The following SEC31B variants were observed in gnomAD, a reference collection of about 807,000 sequenced individuals.
The protein encoded by SEC31B is SEC31 homolog B, COPII component, also known as protein transport protein Sec31B.
Under a neutral mutation model 135.0 loss-of-function variants are expected in SEC31B, and 113 were observed. The observed-to-expected ratio is 0.84, with a 90% CI of 0.72 to 0.98. SEC31B has a LOEUF of 0.98. Among genes scored for constraint, SEC31B ranks in the 50% least tolerant of loss-of-function variants. The pLI, the probability that SEC31B is intolerant of heterozygous loss-of-function variation, is 0.00. For synonymous variants in SEC31B, 508 were observed against 549.4 expected (o/e 0.92, Z 1.05); for missense variants, 1,296 against 1,421.1 (o/e 0.91, Z 1.42).
Position 100,490,160 on chromosome 10 carries a change from G to C in SEC31B, c.2813C>G (p.Pro938Arg). The C allele has an allele frequency of 6.2e-7, 1 of 1,601,104 alleles. No individual in the cohort carries two copies. Among genetic ancestry groups the C allele is most frequent in the Non-Finnish European group, 8.5e-7 (1 of 1,174,220 alleles). Residue 938 changes from proline to arginine, a missense_variant, in exon 21 of 26, where the codon CCT becomes CGT. Pro to Arg is a moderately radical substitution (Grantham distance 103). Transcript: ENST00000370345. ...ACCTAGTGGTCTCAGAGGAAGCAGAGGGAACAGTCTAGGAGTCTCAGGCAG... is the reference window on the plus strand; with the variant it reads ...ACCTAGTGGTCTCAGAGGAAGCAGACGGAACAGTCTAGGAGTCTCAGGCAG... The part of the protein sequence containing the change: ...TSLPETPRLF[P>R]LLPLRPLGPG...
Position 100,505,375 on chromosome 10 carries a change from C to G in SEC31B, c.1165G>C (p.Gly389Arg), listed in dbSNP as rs1564652145. The G allele has an allele frequency of 4.3e-6, 7 of 1,613,134 alleles. No individual in the cohort carries two copies. The highest frequency in any genetic ancestry group is 5.9e-6 in the Non-Finnish European group (7 of 1,179,624). ...KPPKWIRRPTGVSFAFGGKLV... is the reference protein window; with the variant it reads ...KPPKWIRRPTRVSFAFGGKLV... The stretch of plus-strand genomic sequence containing the variant: ...ACTACACTTACAGCAAATGAAACAC[C>G]TGTTGGTCTTCTAATCCATTTGGGG... The change falls in exon 10 of 26, where the codon GGT becomes CGT. Residue 389 changes from glycine to arginine, a missense_variant. Physicochemically the swap from Gly to Arg is moderately radical, Grantham distance 125. Coordinates refer to ENST00000370345, the MANE Select transcript of SEC31B (RefSeq NM_015490.4).
intron 18 of SEC31B, 70 bp downstream of exon 18, chr10:100,496,188 T>A: frequency 1.3e-6 from 2 of 1,531,728 alleles, no homozygotes; most frequent in Non-Finnish European, 9.0e-7. Context: ...GTGCCTGGAA[T>A]ATGGAAGTGC....
rs1851215856 is a variant in SEC31B at position 100,488,014 on chromosome 10, T to C, written c.3360+13A>G. 1 of 1,610,858 alleles carries C rather than the reference T, an allele frequency of 6.2e-7. No homozygotes were observed. The highest frequency in any genetic ancestry group is 8.5e-7 in the Non-Finnish European group (1 of 1,177,022). On this transcript the variant is annotated intron_variant, in intron 25 of 25. Coordinates refer to ENST00000370345, the MANE Select transcript of SEC31B (RefSeq NM_015490.4). ...GTGTAGGAGGCAGTGGGAGCACAGC[T>C]AGCTGTACTTACTGTCCCCTCACAG...
chr10:100,497,559 C>T, intron 16 of SEC31B, 108 bp downstream of exon 16: 1 of 1,578,070 alleles, frequency 6.3e-7, no homozygotes, highest in Non-Finnish European at 8.6e-7. Flanking sequence ...GACAACATTG[C>T]CTCGCCTCCC....
chr10:100,505,611 T>G (rs1356404071), intron 9 of SEC31B, 116 bp from the exon 10 acceptor site: 2 of 1,465,078 alleles, frequency 1.4e-6, no homozygotes, highest in East Asian at 4.8e-5. Context: ...CCTAGAAAGG[T>G]CAGACTCCCA....
At chr10:100,506,532 T>A in intron 7 of SEC31B, 112 bp from the exon 8 acceptor site, 2 of 813,004 alleles carry the variant, frequency 2.5e-6, no homozygotes, top group South Asian at 1.7e-5. Context: ...CCATGCCCTA[T>A]AAAATGCATG....
Position 100,490,202 on chromosome 10 carries a change from C to T in SEC31B, c.2771G>A (p.Arg924Gln), listed in dbSNP as rs761231588. The stretch of plus-strand genomic sequence containing the variant: ...CTCAGGCAGGGAGGTAGAGCCAGGT[C>T]GCATGATGCCTGGGCATGCCATGGG... Reference protein sequence around the residue: ...PLPMACPGIMRPGSTSLPETP... With the variant: ...PLPMACPGIMQPGSTSLPETP... The change falls in exon 21 of 26, where the codon CGA (arginine) becomes CAA (glutamine). Residue 924 changes from arginine (R) to glutamine (Q), a missense_variant. By Grantham distance (43) the Arg-to-Gln change is conservative (BLOSUM62 1). Transcript: ENST00000370345. The T allele has an allele frequency of 2.0e-5, 33 of 1,610,226 alleles. 1 individual carries two copies. The East Asian group carries it at 2.7e-4, about 13-fold the overall frequency.
intron 3 of SEC31B, among the ~76,000 whole-genome samples, chr10:100,514,305 C>T (rs985483082): frequency 5.3e-5 from 8 of 152,176 alleles, no homozygotes; most frequent in Non-Finnish European, 1.0e-4. Flanking sequence ...GCCACTACTA[C>T]GCTGAAGCTG....
rs1487776272 is a variant in SEC31B, at chr10:100,506,086, A to G, written c.998T>C (p.Val333Ala). ...SFNGWISLYS[V>A]MGRSWEVQHM... ...CTGGACTTCCCAGCTCCTACCCATCACAGAGTACAAACTGATCCAGCCGTT... is the reference window on the plus strand; with the variant it reads ...CTGGACTTCCCAGCTCCTACCCATCGCAGAGTACAAACTGATCCAGCCGTT... The change falls in exon 9 of 26, where the codon GTG (valine) becomes GCG (alanine). Residue 333 changes from valine (V) to alanine (A), a missense_variant. Val to Ala is a moderately conservative substitution (Grantham distance 64). Coordinates refer to ENST00000370345, the MANE Select transcript of SEC31B (RefSeq NM_015490.4). 9.3e-6 allele frequency: 15 copies of G among 1,614,006 alleles called. No homozygotes were observed. Among genetic ancestry groups the G allele is most frequent in the Non-Finnish European group, 1.3e-5 (15 of 1,180,014 alleles).
Position 100,497,291 on chromosome 10 carries a change from AG to A in SEC31B, c.1991-12del. The A allele has an allele frequency of 6.2e-7, 1 of 1,611,588 alleles. No individual in the cohort carries two copies. The highest frequency in any genetic ancestry group is 8.5e-7 in the Non-Finnish European group (1 of 1,177,976). On this transcript the variant is annotated splice_polypyrimidine_tract_variant and intron_variant, in intron 16 of 25. Transcript: ENST00000370345. Reference sequence around the variant, plus strand: ...GAGTTCCCAGCATGTCTGCAGAGAGAGGGTAATTTCATTAATGGCACAGCTG... The same window carrying A: ...GAGTTCCCAGCATGTCTGCAGAGAGAGGTAATTTCATTAATGGCACAGCTG...
chr10:100,499,477 T>C lies in SEC31B; in HGVS notation c.1485+47A>G. The C allele has an allele frequency of 2.0e-6, 3 of 1,477,598 alleles. No homozygotes were observed. In the South Asian group the frequency reaches 3.6e-5, roughly 17 times the overall value. The allele number at this position is 1,477,598 out of a possible 1,614,324, so 91.5% of individuals were successfully genotyped here. Reference sequence around the variant, plus strand: ...GGTGGTTTACTCTGGCAACATTCTCTTCTTCTCTTCAACAAGTACATGTTT... The same window carrying C: ...GGTGGTTTACTCTGGCAACATTCTCCTCTTCTCTTCAACAAGTACATGTTT... On this transcript the variant is annotated intron_variant, in intron 12 of 25. Coordinates refer to ENST00000370345, the MANE Select transcript of SEC31B (RefSeq NM_015490.4).
intron 9 of SEC31B, 182 bp downstream of exon 9, chr10:100,505,858 A>C (rs1240930332): frequency 6.7e-7 from 1 of 1,495,582 alleles, no homozygotes; most frequent in Non-Finnish European, 8.8e-7. Flanking sequence ...GGCCTTCTTC[A>C]CATTGTGGCA....
chr10:100,504,707 G>T (rs1044222871), intron 10 of SEC31B, among the ~76,000 whole-genome samples: 2 of 151,978 alleles, frequency 1.3e-5, no homozygotes, highest in African/African-American at 4.8e-5. Flanking sequence ...ATAGAGAGAG[G>T]TTAATTTTGA....
At position 100,488,823 on chromosome 10, in the gene SEC31B, G is replaced by A. The variant is rs374865473; in HGVS notation, c.3288+35C>T. The A allele has an allele frequency of 5.4e-5, 84 of 1,543,622 alleles. No individual in the cohort carries two copies. The African/African-American group carries it at 5.9e-4, about 11-fold the overall frequency. On this transcript the variant is annotated intron_variant, in intron 24 of 25. Transcript: ENST00000370345. ...AGGGGTCCTGGAGCCAGCGAGGGGT[G>A]CGAGGAGGGCACTGTGAAGAAGGTT...
intron 14 of SEC31B, 47 bp from the exon 15 acceptor site, chr10:100,498,254 A>C (rs748133036): frequency 6.3e-7 from 1 of 1,593,200 alleles, no homozygotes; most frequent in East Asian, 2.2e-5. Context: ...TCAAACCCCA[A>C]CTTCCTGCCC....
In SEC31B at chr10:100,506,419, C is replaced by A. The variant is rs753020674; in HGVS notation, c.784G>T (p.Gly262Trp). Reference protein sequence around the residue: ...PLKVLESHSRGILSVSWSQAD... With the variant: ...PLKVLESHSRWILSVSWSQAD... ...TGGCTCCATGACACTGACAAGATCC[C>A]CCTAAAAAGAGAAGGGAAGAGGAAC... Residue 262 changes from glycine (G) to tryptophan (W), a missense_variant and splice_region_variant, in exon 8 of 26, where the codon GGG becomes TGG. Transcript: ENST00000370345. The A allele has an allele frequency of 6.2e-7, 1 of 1,613,990 alleles. No homozygotes were observed. The highest frequency in any genetic ancestry group is 8.5e-7 in the Non-Finnish European group (1 of 1,179,970).
chr10:100,516,927 G>A lies in SEC31B; in HGVS notation c.26C>T (p.Pro9Leu), dbSNP rs769744011. MKLKELERPAVQAWSPASQ... is the reference protein window; with the variant it reads MKLKELERLAVQAWSPASQ... ...GGCTGGGCTCCATGCCTGGACAGCT[G>A]GCCGCTCAAGTTCCTTCAGCTTCAT... is the stretch of plus-strand genomic sequence containing the variant. The change falls in exon 2 of 26, where the codon CCA (proline) becomes CTA (leucine). Residue 9 changes from proline (P) to leucine (L), a missense_variant. By Grantham distance (98) the Pro-to-Leu change is moderately conservative. Transcript: ENST00000370345. The A allele has an allele frequency of 1.2e-6, 2 of 1,614,122 alleles. No homozygotes were observed. The highest frequency in any genetic ancestry group is 1.7e-6 in the Non-Finnish European group (2 of 1,179,996).
At chr10:100,489,972 T>C in intron 21 of SEC31B, 36 bp downstream of exon 21, 1 of 1,532,146 alleles carries the variant, frequency 6.5e-7, no homozygotes, top group Non-Finnish European at 8.7e-7. Context: ...GGGGAGGCAA[T>C]AACCCAGAAG....
rs58897924 is a variant in SEC31B, at chr10:100,505,299, AACAC to A, written c.1179+58_1179+61del. ...TGCTGGGCACATGGTAGGCTTCACA[AACAC>A]ACACACACACACACACACACACAAA... On this transcript the variant is annotated intron_variant, in intron 10 of 25. Transcript: ENST00000370345. The A allele has an allele frequency of 8.6e-3, 12,378 of 1,442,724 alleles. 112 individuals are homozygous for A. Among genetic ancestry groups the A allele is most frequent in the African/African-American group, 0.07 (4,815 of 68,488 alleles). 89.4% of individuals were successfully genotyped at this position (1,442,724 alleles called of 1,614,324 possible). A position where few individuals can be genotyped will look rare whatever the true frequency, so the allele number is the denominator to read the frequency against.
Sources: gnomAD v4.1 joint callset for allele counts (sites outside exome capture counted in the v4.1 genomes callset) on GRCh38, gnomAD v4.1.1 for gene constraint, MANE v1.5 for transcripts, NCBI Gene and HGNC (gene_info 2026-07-23, HGNC 2026-07-21) for gene names.